The following SIRPB1 variants were observed in gnomAD, a reference collection of about 807,000 sequenced individuals.
The protein encoded by SIRPB1 is signal-regulatory protein beta-1.
Under a neutral mutation model 34.1 loss-of-function variants are expected in SIRPB1, and 28 were observed. That is an observed-to-expected ratio of 0.82 (90% CI 0.61 to 1.12). SIRPB1 has a LOEUF of 1.12. Ranked by LOEUF, SIRPB1 falls within the 50% of genes most tolerant of loss-of-function variation. The pLI is 0.00. For missense variants in SIRPB1, 499 were observed against 507.0 expected (o/e 0.98, Z 0.15); for synonymous variants, 211 against 203.8 (o/e 1.04, Z -0.30).
Position 1,613,207 on chromosome 20 carries a change from C to G in SIRPB1, c.76+6662G>C, listed in dbSNP as rs1271881248. On this transcript the variant is annotated intron_variant, in intron 1 of 5. Coordinates refer to ENST00000381605, the MANE Select transcript of SIRPB1 (RefSeq NM_006065.5). ...AATTTTTAAAGAGCTTTCAGCAGAG[C>G]TATGTGTCTTCTGGAGGCTCTGTTT... Among the ~76,000 whole-genome samples, 2 of 73,018 alleles carry G rather than the reference C, an allele frequency of 2.7e-5. 1 individual carries two copies. Among genetic ancestry groups the G allele is most frequent in the Non-Finnish European group, 5.2e-5 (2 of 38,724 alleles). The allele number at this position is 73,018 out of a possible 152,430, so 47.9% of individuals were successfully genotyped here.
rs777288313 is a variant in SIRPB1, at chr20:1,578,879, C to T, written c.77-185G>A. ...CTGTGACGTAAGACTGTAATACAAG[C>T]GAGAACACTGAGGCACAGAGAGGTT... On this transcript the variant is annotated intron_variant, in intron 1 of 5. Transcript: ENST00000381605. Among the ~76,000 whole-genome samples the T allele has an allele frequency of 1.3e-5, 2 of 148,274 alleles. 1 individual carries two copies. Among genetic ancestry groups the T allele is most frequent in the Non-Finnish European group, 3.0e-5 (2 of 66,248 alleles).
rs2091091589 is a variant in SIRPB1, at chr20:1,562,828, T to C, written c.*2672A>G. ...CCATATGACATTTTACAGAAATGAATAATTGAAAGAGGAATTTTGCAACCA... is the reference window on the plus strand; with the variant it reads ...CCATATGACATTTTACAGAAATGAACAATTGAAAGAGGAATTTTGCAACCA... On this transcript the variant is annotated 3_prime_UTR_variant, in exon 6 of 6. Transcript: ENST00000381605. 6.6e-6 allele frequency among the ~76,000 whole-genome samples: 1 copy of C among 152,148 alleles called. No individual in the cohort carries two copies. The highest frequency in any genetic ancestry group is 1.5e-5 in the Non-Finnish European group (1 of 68,028).
rs773879618 is a variant in SIRPB1, at chr20:1,570,871, C to G, written c.1018G>C (p.Val340Leu). The G allele has an allele frequency of 1.9e-6, 3 of 1,614,124 alleles. No homozygotes were observed. Among genetic ancestry groups the G allele is most frequent in the South Asian group, 2.2e-5 (2 of 91,094 alleles). Residue 340 changes from valine to leucine, a missense_variant, in exon 4 of 6, where the codon GTC becomes CTC. Physicochemically the swap from Val to Leu is conservative, Grantham distance 32. Coordinates refer to ENST00000381605, the MANE Select transcript of SIRPB1 (RefSeq NM_006065.5). ...ATCTCCAGGGCATAGCTTTTGCTGACTGCTTGCTGCCCATCATGCTCCACC... is the reference window on the plus strand; with the variant it reads ...ATCTCCAGGGCATAGCTTTTGCTGAGTGCTTGCTGCCCATCATGCTCCACC... ...CQVEHDGQQA[V>L]SKSYALEISA...
At chr20:1,619,330 A>G (rs918175097) in intron 1 of SIRPB1, among the ~76,000 whole-genome samples, 11 of 152,202 alleles carry the variant, frequency 7.2e-5, no homozygotes, top group Admixed American at 2.0e-4. Flanking sequence ...GGTAAGAATC[A>G]GGTCACAGGG....
At chr20:1,612,243 C>T (rs1312665076) in intron 1 of SIRPB1, among the ~76,000 whole-genome samples, 2 of 72,446 alleles carry the variant, frequency 2.8e-5, no homozygotes, top group Admixed American at 1.1e-4. Context: ...AATGCATCTG[C>T]CTTGGCCTTC....
intron 1 of SIRPB1, among the ~76,000 whole-genome samples, chr20:1,615,080 A>G (rs2091611145): frequency 6.6e-6 from 1 of 152,206 alleles, no homozygotes; most frequent in Non-Finnish European, 1.5e-5. Flanking sequence ...AGCATCAGTA[A>G]GTTTTTTCTG....
chr20:1,602,319 T>C lies in SIRPB1; in HGVS notation c.76+17550A>G, dbSNP rs1216967283. 2.0e-4 allele frequency among the ~76,000 whole-genome samples: 10 copies of C among 48,896 alleles called. 5 individuals carry two copies. Among genetic ancestry groups the C allele is most frequent in the African/African-American group, 1.3e-3 (10 of 7,430 alleles). 32.1% of individuals were successfully genotyped at this position (48,896 alleles called of 152,430 possible). On this transcript the variant is annotated intron_variant, in intron 1 of 5. Transcript: ENST00000381605. Reference sequence around the variant, plus strand: ...CTCTACACACAGAAATATGACGACATAGATAAAATGGACCAAAAACTCTTT... The same window carrying C: ...CTCTACACACAGAAATATGACGACACAGATAAAATGGACCAAAAACTCTTT...
chr20:1,580,288 A>G (rs1361768081), intron 1 of SIRPB1, among the ~76,000 whole-genome samples: 1 of 147,530 alleles, frequency 6.8e-6, no homozygotes, highest in East Asian at 1.9e-4. Flanking sequence ...ATCCTGGAAT[A>G]CAAGGATGTT....
intron 1 of SIRPB1, among the ~76,000 whole-genome samples, chr20:1,619,197 T>G (rs1180646506): frequency 6.6e-6 from 1 of 152,118 alleles, no homozygotes; most frequent in Non-Finnish European, 1.5e-5. Context: ...GAAGTAAATA[T>G]CTGTAGTTTC....
Position 1,565,209 on chromosome 20 carries a change from G to A in SIRPB1, c.*291C>T, listed in dbSNP as rs1003485415. ...TGTGGTTTATGGCCAGTCCCAAGGC[G>A]ACGGATGGGAGAAGTCCTGGTGTGT... On this transcript the variant is annotated 3_prime_UTR_variant, in exon 6 of 6. Coordinates refer to ENST00000381605, the MANE Select transcript of SIRPB1 (RefSeq NM_006065.5). The A allele has an allele frequency of 1.5e-5, 6 of 395,948 alleles. No homozygotes were observed. The highest frequency in any genetic ancestry group is 6.2e-4 in the Middle Eastern group (1 of 1,602). The allele number at this position is 395,948 out of a possible 1,614,324, so 24.5% of individuals were successfully genotyped here.
At position 1,563,041 on chromosome 20, in the gene SIRPB1, T is replaced by C. The variant is rs2091092837; in HGVS notation, c.*2459A>G. ...GCCACAAATGGGAGAGGAGTGGTAA[T>C]AAAAGGGCTGAAGATGTCCCAAAGG... is the stretch of plus-strand genomic sequence containing the variant. On this transcript the variant is annotated 3_prime_UTR_variant, in exon 6 of 6. Transcript: ENST00000381605. 6.6e-6 allele frequency among the ~76,000 whole-genome samples: 1 copy of C among 152,004 alleles called. No individual in the cohort carries two copies. Among genetic ancestry groups the C allele is most frequent in the Non-Finnish European group, 1.5e-5 (1 of 67,990 alleles).
At position 1,604,179 on chromosome 20, in the gene SIRPB1, C is replaced by T. The variant is rs2091491330; in HGVS notation, c.76+15690G>A. 2 of 576,606 alleles carry T rather than the reference C, an allele frequency of 3.5e-6. 1 individual carries two copies. The highest frequency in any genetic ancestry group is 4.7e-6 in the Non-Finnish European group (2 of 429,838). 35.7% of individuals were successfully genotyped at this position (576,606 alleles called of 1,614,324 possible). ...CAGGGCAGAAGCTCTGACCTTGTGGCACAGACAGATCCAGGGAGGGCTCCA... is the reference window on the plus strand; with the variant it reads ...CAGGGCAGAAGCTCTGACCTTGTGGTACAGACAGATCCAGGGAGGGCTCCA... On this transcript the variant is annotated intron_variant, in intron 1 of 5. Coordinates refer to ENST00000381605, the MANE Select transcript of SIRPB1 (RefSeq NM_006065.5).
In SIRPB1 at chr20:1,570,879, T is replaced by A. The variant is rs772665895; in HGVS notation, c.1010A>T (p.Gln337Leu). ...VLTCQVEHDG[Q>L]QAVSKSYALE... The stretch of plus-strand genomic sequence containing the variant: ...GGCATAGCTTTTGCTGACTGCTTGC[T>A]GCCCATCATGCTCCACCTGACAGGT... Residue 337 changes from glutamine to leucine, a missense_variant, in exon 4 of 6, where the codon CAG becomes CTG. By Grantham distance (113) the Gln-to-Leu change is moderately radical (BLOSUM62 -2). Transcript: ENST00000381605. 6.2e-7 allele frequency: 1 copy of A among 1,614,222 alleles called. No homozygotes were observed. The highest frequency in any genetic ancestry group is 2.2e-5 in the East Asian group (1 of 44,882).
intron 2 of SIRPB1, among the ~76,000 whole-genome samples, chr20:1,573,732 T>C (rs1216648944): frequency 6.8e-6 from 1 of 146,806 alleles, no homozygotes; most frequent in Non-Finnish European, 1.5e-5. Context: ...GGGGTCCTCA[T>C]GTGAGCCCTT....
chr20:1,619,645 ATTG>A (rs2091679239), intron 1 of SIRPB1, among the ~76,000 whole-genome samples: 2 of 152,222 alleles, frequency 1.3e-5, no homozygotes, highest in Admixed American at 1.3e-4. Context: ...AATGTAAGTA[ATTG>A]TTGTTGTGGT....
chr20:1,568,275 C>A (rs1243976082), intron 4 of SIRPB1, among the ~76,000 whole-genome samples: 1 of 152,176 alleles, frequency 6.6e-6, no homozygotes, highest in Admixed American at 6.5e-5. Context: ...GAACACTCAC[C>A]TAACCCTAGG....
intron 1 of SIRPB1, among the ~76,000 whole-genome samples, chr20:1,617,418 G>A (rs1327517447): frequency 6.6e-6 from 1 of 152,200 alleles, no homozygotes; most frequent in Non-Finnish European, 1.5e-5. Context: ...ATTATGCTAA[G>A]TAAAATAAGC....
chr20:1,602,881 G>T (rs2091482229), intron 1 of SIRPB1, among the ~76,000 whole-genome samples: 1 of 49,044 alleles, frequency 2.0e-5, no homozygotes, highest in Admixed American at 1.4e-4. Context: ...ACGCCGTAGA[G>T]TCTGTGGCTG....
At chr20:1,572,151 TGTC>T in intron 2 of SIRPB1, 114 bp from the exon 3 acceptor site, 1 of 1,507,022 alleles carries the variant, frequency 6.6e-7, no homozygotes, top group Non-Finnish European at 9.0e-7. Context: ...TTTCTAATAA[TGTC>T]GTGAAGGCAG....
Sources: gnomAD v4.1 joint callset for allele counts (sites outside exome capture counted in the v4.1 genomes callset) on GRCh38, gnomAD v4.1.1 for gene constraint, MANE v1.5 for transcripts, NCBI Gene and HGNC (gene_info 2026-07-23, HGNC 2026-07-21) for gene names.